CELSR1: variants seen among roughly 807,000 people sequenced by gnomAD.
The protein encoded by CELSR1 is adhesion G protein-coupled receptor C1.
CELSR1 carries 110 observed loss-of-function variants against 249.1 expected under a neutral mutation model. The ratio of observed to expected loss-of-function variants is 0.44; its 90% CI spans 0.38 to 0.52. The LOEUF is 0.52. Among genes scored for constraint, CELSR1 ranks in the 20% least tolerant of loss-of-function variants. The pLI, the probability that CELSR1 is intolerant of heterozygous loss-of-function variation, is 0.00. For synonymous variants in CELSR1, 2,113 were observed against 1,900.0 expected (o/e 1.11, Z -2.92); for missense variants, 4,109 against 4,296.4 (o/e 0.96, Z 1.22).
Position 46,427,145 on chromosome 22 carries a change from G to A in CELSR1, c.4611+6248C>T, listed in dbSNP as rs2079546427. ...CACCTACACAGACGTCTATGTCCTAGCTCTGCCCAGTAAGAGAGACTGGGA... is the reference window on the plus strand; with the variant it reads ...CACCTACACAGACGTCTATGTCCTAACTCTGCCCAGTAAGAGAGACTGGGA... On this transcript the variant is annotated intron_variant, in intron 5 of 34. Transcript: ENST00000674500. This position sits in a 1 kb window ranked among gnomAD's most constrained non-coding sequence, Gnocchi z 4.2. Among the ~76,000 whole-genome samples the A allele has an allele frequency of 6.6e-6, 1 of 152,140 alleles. No individual in the cohort carries two copies. Among genetic ancestry groups the A allele is most frequent in the Non-Finnish European group, 1.5e-5 (1 of 68,024 alleles).
At chr22:46,443,279 G>T (rs532444938) in intron 2 of CELSR1, among the ~76,000 whole-genome samples, 3 of 152,204 alleles carry the variant, frequency 2.0e-5, no homozygotes, top group African/African-American at 4.8e-5. Flanking sequence ...CTGACGCCGG[G>T]TCAGAGCCAG....
At position 46,527,847 on chromosome 22, in the gene CELSR1, G is replaced by A. The variant is rs987280949; in HGVS notation, c.3544+5780C>T. ...GCGGTGGCTCACGCCTGTAATCCCAGCATTTTGGGAGGCTGAGGCGGGCGG... is the reference window on the plus strand; with the variant it reads ...GCGGTGGCTCACGCCTGTAATCCCAACATTTTGGGAGGCTGAGGCGGGCGG... On this transcript the variant is annotated intron_variant, in intron 1 of 34. Transcript: ENST00000674500. The surrounding 1 kb of genome is among the most constrained non-coding windows in gnomAD (Gnocchi z 5.5). Among the ~76,000 whole-genome samples the A allele has an allele frequency of 6.6e-6, 1 of 152,182 alleles. No individual in the cohort carries two copies. Among genetic ancestry groups the A allele is most frequent in the African/African-American group, 2.4e-5 (1 of 41,438 alleles).
Position 46,365,707 on chromosome 22 carries a change from G to A in CELSR1, c.8301-18C>T, listed in dbSNP as rs1244142390. ...CTTCATCCCTAGAGAGGCCAGGGAGGGTGGGCTCAGTATCATCCGTCAGGG... is the reference window on the plus strand; with the variant it reads ...CTTCATCCCTAGAGAGGCCAGGGAGAGTGGGCTCAGTATCATCCGTCAGGG... On this transcript the variant is annotated intron_variant, in intron 30 of 34. Coordinates refer to ENST00000674500, the MANE Select transcript of CELSR1 (RefSeq NM_001378328.1). The A allele has an allele frequency of 1.5e-5, 23 of 1,547,932 alleles. No homozygotes were observed. Among genetic ancestry groups the A allele is most frequent in the Admixed American group, 5.8e-5 (3 of 51,754 alleles).
In CELSR1 at chr22:46,439,418, G is replaced by A. The variant is rs1242374412; in HGVS notation, c.4184-7C>T. ...TCCACCTCACAGTGCTCTCCTGGGG[G>A]GCGAGAGGAAGATGCCAGAGAGGAG... On this transcript the variant is annotated splice_polypyrimidine_tract_variant and splice_region_variant and intron_variant, in intron 2 of 34. Transcript: ENST00000674500. 9.9e-6 allele frequency: 16 copies of A among 1,608,124 alleles called. No homozygotes were observed. Among genetic ancestry groups the A allele is most frequent in the Non-Finnish European group, 1.4e-5 (16 of 1,178,096 alleles).
In CELSR1 at chr22:46,490,530, G is replaced by A. The variant is rs1357916436; in HGVS notation, c.3545-26185C>T. Among the ~76,000 whole-genome samples the A allele has an allele frequency of 1.3e-5, 2 of 151,740 alleles. No individual in the cohort carries two copies. Among genetic ancestry groups the A allele is most frequent in the Non-Finnish European group, 2.9e-5 (2 of 67,974 alleles). ...TCGAACTCCTGACCGCAGGCGAGCC[G>A]CCCCCCTCCGCCTCCCAAAATGTTG... is the stretch of plus-strand genomic sequence containing the variant. On this transcript the variant is annotated intron_variant, in intron 1 of 34. Transcript: ENST00000674500. This position sits in a 1 kb window ranked among gnomAD's most constrained non-coding sequence, Gnocchi z 5.2.
In CELSR1 at chr22:46,397,588, G is replaced by A. The variant is rs190323565; in HGVS notation, c.5701+86C>T. On this transcript the variant is annotated intron_variant, in intron 12 of 34. Coordinates refer to ENST00000674500, the MANE Select transcript of CELSR1 (RefSeq NM_001378328.1). ...GAACCACAGGGAGTTGGCTGGGGAC[G>A]CTAATGTCTAAACTGAGCCCCCCTC... 1.3e-4 allele frequency: 166 copies of A among 1,245,486 alleles called. 1 individual carries two copies. The highest frequency in any genetic ancestry group is 5.8e-4 in the Admixed American group (17 of 29,252). The allele number at this position is 1,245,486 out of a possible 1,614,324, so 77.2% of individuals were successfully genotyped here.
Position 46,537,305 on chromosome 22 carries a change from G to C in CELSR1, c.-135C>G, listed in dbSNP as rs1047340290. Reference sequence around the variant, plus strand: ...GGGGCGGTCCGCGTCCCGCCTCCCCGGGGGCCCTGGCGGGGACTGTGGGGA... The same window carrying C: ...GGGGCGGTCCGCGTCCCGCCTCCCCCGGGGCCCTGGCGGGGACTGTGGGGA... On this transcript the variant is annotated 5_prime_UTR_variant, in exon 1 of 35. Coordinates refer to ENST00000674500, the MANE Select transcript of CELSR1 (RefSeq NM_001378328.1). This position sits in a 1 kb window ranked among gnomAD's most constrained non-coding sequence, Gnocchi z 5.8. The C allele has an allele frequency of 4.2e-4, 402 of 958,484 alleles. No individual in the cohort carries two copies. The highest frequency in any genetic ancestry group is 4.9e-4 in the Non-Finnish European group (391 of 803,178). The allele number at this position is 958,484 out of a possible 1,614,324, so 59.4% of individuals were successfully genotyped here.
chr22:46,462,728 C>T (rs2080045608), intron 2 of CELSR1: 2 of 248,654 alleles, frequency 8.0e-6, no homozygotes, highest in Non-Finnish European at 8.2e-6. Flanking sequence ...TTTTGTGGAA[C>T]AGCCAATCAA....
At chr22:46,384,391 G>C (rs1370647101) in intron 20 of CELSR1, 152 bp downstream of exon 20, 7 of 840,312 alleles carry the variant, frequency 8.3e-6, no homozygotes, top group Non-Finnish European at 1.2e-5. Context: ...AAAACAACCT[G>C]CTGTCACCAA....
chr22:46,516,554 G>A (rs147454481), intron 1 of CELSR1, among the ~76,000 whole-genome samples: 2,261 of 151,956 alleles, frequency 0.015, 30 homozygotes, highest in Non-Finnish European at 0.023. Context: ...TGCCCAGGCC[G>A]GTCTTGAACT....
intron 1 of CELSR1, among the ~76,000 whole-genome samples, chr22:46,501,439 C>T (rs1332193010): frequency 6.6e-6 from 1 of 152,152 alleles, no homozygotes; most frequent in Non-Finnish European, 1.5e-5. Flanking sequence ...TTCCTGACCT[C>T]AGGTGATCCA....
Position 46,417,166 on chromosome 22 carries a change from C to T in CELSR1, c.4612-5407G>A, listed in dbSNP as rs896111584. Among the ~76,000 whole-genome samples the T allele has an allele frequency of 1.3e-5, 2 of 152,184 alleles. No individual in the cohort carries two copies. The highest frequency in any genetic ancestry group is 3.8e-4 in the East Asian group (2 of 5,198). On this transcript the variant is annotated intron_variant, in intron 5 of 34. Transcript: ENST00000674500. The surrounding 1 kb of genome is among the most constrained non-coding windows in gnomAD (Gnocchi z 4.1). ...ATGACAAAGTTCAGGCCTGTCTGGC[C>T]GACAAATGCCCCAGGAAATGTGGGC... is the stretch of plus-strand genomic sequence containing the variant.
chr22:46,452,943 C>A (rs1030189937), intron 2 of CELSR1, among the ~76,000 whole-genome samples: 4 of 152,246 alleles, frequency 2.6e-5, no homozygotes, highest in African/African-American at 9.6e-5. Flanking sequence ...CTGGAAACAG[C>A]CTTGTCCAGG....
chr22:46,385,180 G>A (rs907679350), intron 19 of CELSR1, among the ~76,000 whole-genome samples: 2 of 151,940 alleles, frequency 1.3e-5, no homozygotes, highest in East Asian at 1.9e-4. Flanking sequence ...CTGTAGCCTC[G>A]TCCTCCTGCG....
At position 46,441,598 on chromosome 22, in the gene CELSR1, T is replaced by C. The variant is rs1376155376; in HGVS notation, c.4184-2187A>G. Among the ~76,000 whole-genome samples the C allele has an allele frequency of 5.9e-5, 9 of 152,260 alleles. No individual in the cohort carries two copies. The East Asian group carries it at 1.7e-3, about 29-fold the overall frequency. On this transcript the variant is annotated intron_variant, in intron 2 of 34. Transcript: ENST00000674500. The surrounding 1 kb of genome is among the most constrained non-coding windows in gnomAD (Gnocchi z 6.1). ...GGTGGCCTCTGTGGAGGTCTGTCTT[T>C]CTAGCTAGCAGACGGTGCCTTCTTG...
chr22:46,365,197 G>A, intron 32 of CELSR1, 34 bp downstream of exon 32: 1 of 1,602,372 alleles, frequency 6.2e-7, no homozygotes, highest in Non-Finnish European at 8.5e-7. Flanking sequence ...GCTGTCCACA[G>A]CCCAGCCTGG....
At chr22:46,371,953 C>A (rs1323970589) in intron 25 of CELSR1, among the ~76,000 whole-genome samples, 1 of 148,736 alleles carries the variant, frequency 6.7e-6, no homozygotes, top group Non-Finnish European at 1.5e-5. Flanking sequence ...AGCCCTTCAT[C>A]CCTCCCATCC....
rs2079294733 is a variant in CELSR1, at chr22:46,408,697, C to G, written c.5226+299G>C. 6.6e-6 allele frequency among the ~76,000 whole-genome samples: 1 copy of G among 152,226 alleles called. No homozygotes were observed. Among genetic ancestry groups the G allele is most frequent in the Non-Finnish European group, 1.5e-5 (1 of 68,030 alleles). On this transcript the variant is annotated intron_variant, in intron 9 of 34. Transcript: ENST00000674500. The surrounding 1 kb of genome is among the most constrained non-coding windows in gnomAD (Gnocchi z 4.6). ...TTCCGCCTGAAGGCTCGGCACCTCCCTCAGTTCTGCAATGCCCACGCTCCA... is the reference window on the plus strand; with the variant it reads ...TTCCGCCTGAAGGCTCGGCACCTCCGTCAGTTCTGCAATGCCCACGCTCCA...
intron 1 of CELSR1, among the ~76,000 whole-genome samples, chr22:46,466,612 T>C (rs1439067852): frequency 3.3e-5 from 5 of 152,124 alleles, no homozygotes; most frequent in Non-Finnish European, 7.4e-5. Flanking sequence ...GAGTAGATAA[T>C]ACGACCAGAG....
Sources: gnomAD v4.1 joint callset for allele counts (sites outside exome capture counted in the v4.1 genomes callset) on GRCh38, gnomAD v4.1.1 for gene constraint, Gnocchi (gnomAD v3.1) non-coding constraint, MANE v1.5 for transcripts, NCBI Gene and HGNC (gene_info 2026-07-23, HGNC 2026-07-21) for gene names.